Variants in PSAP observed in about 807,000 individuals in gnomAD.
PSAP encodes precursor of saposins.
A neutral mutation model predicts 66.0 loss-of-function variants in PSAP; 25 were observed. That is an observed-to-expected ratio of 0.38 (90% CI 0.28 to 0.53). The LOEUF (loss-of-function observed/expected upper bound fraction) is 0.53, where lower values mean the gene tolerates loss of function less well. PSAP is among the 20% of genes least tolerant of loss of function. PSAP has a pLI of 0.83. For synonymous variants in PSAP, 273 were observed against 258.9 expected, an observed-to-expected ratio of 1.05 and a Z score of -0.52; for missense variants, 649 against 668.8, an observed-to-expected ratio of 0.97 and a Z score of 0.33.
chr10:71,817,154 G>A lies in PSAP; in HGVS notation c.*287C>T. ...AGAAACTGTGGCTCATGCCAGCAGAGCTCTCTCCTCCTCCAGCAGGCGCCA... is the reference window on the plus strand; with the variant it reads ...AGAAACTGTGGCTCATGCCAGCAGAACTCTCTCCTCCTCCAGCAGGCGCCA... On this transcript the variant is annotated 3_prime_UTR_variant, in exon 14 of 14. Transcript: ENST00000394936. 1.9e-6 allele frequency: 1 copy of A among 520,070 alleles called. No individual in the cohort carries two copies. Among genetic ancestry groups the A allele is most frequent in the Non-Finnish European group, 3.5e-6 (1 of 287,224 alleles). The allele number at this position is 520,070 out of a possible 1,614,324, so 32.2% of individuals were successfully genotyped here. A position where few individuals can be genotyped will look rare whatever the true frequency, so the allele number is the denominator to read the frequency against.
chr10:71,819,273 T>C (rs1842241731), intron 11 of PSAP, 162 bp from the exon 12 acceptor site: 4 of 1,012,172 alleles, frequency 4.0e-6, no homozygotes, highest in Non-Finnish European at 6.0e-6. Context: ...CTATCTACAT[T>C]TGGCCTCTCT....
In PSAP at chr10:71,819,706, G is replaced by A. The variant is rs1307274292; in HGVS notation, c.1192+8C>T. The stretch of plus-strand genomic sequence containing the variant: ...ACCATCCTCTCCCGCACCACACCCA[G>A]CGCTCACCGGTCAGTGCAGGCAGCC... On this transcript the variant is annotated splice_region_variant and intron_variant, in intron 10 of 13. Transcript: ENST00000394936. 6.2e-7 allele frequency: 1 copy of A among 1,614,030 alleles called. No individual in the cohort carries two copies. Among genetic ancestry groups the A allele is most frequent in the South Asian group, 1.1e-5 (1 of 91,082 alleles).
Position 71,822,005 on chromosome 10 carries a change from T to A in PSAP, c.780A>T (p.Gln260His). 1 of 1,614,110 alleles carries A rather than the reference T, an allele frequency of 6.2e-7. No individual in the cohort carries two copies. Among genetic ancestry groups the A allele is most frequent in the Non-Finnish European group, 8.5e-7 (1 of 1,180,006 alleles). The change falls in exon 8 of 14, where the codon CAA becomes CAT. Residue 260 changes from glutamine (Q) to histidine (H), a missense_variant and splice_region_variant. Transcript: ENST00000394936. ...CAACCAGCGCACAGATCTCCTTGGG[T>A]TGCTGAAGAGAGCACAGAACAACCA... is the stretch of plus-strand genomic sequence containing the variant. ...EIAIQMMMHM[Q>H]PKEICALVGF...
chr10:71,843,332 C>G (rs888231375), intron 1 of PSAP, among the ~76,000 whole-genome samples: 5 of 152,138 alleles, frequency 3.3e-5, no homozygotes, highest in African/African-American at 1.2e-4. Flanking sequence ...GGCCAATCAC[C>G]AGGTGACAGG....
At chr10:71,835,080 C>CAA (rs1296012242) in intron 1 of PSAP, among the ~76,000 whole-genome samples, 2 of 149,410 alleles carry the variant, frequency 1.3e-5, no homozygotes, top group East Asian at 2.0e-4. Flanking sequence ...ACTAAAAATA[C>CAA]AAAAAAAAAC....
intron 7 of PSAP, 38 bp from the exon 8 acceptor site, chr10:71,822,045 T>A: frequency 6.2e-7 from 1 of 1,613,670 alleles, no homozygotes; most frequent in Non-Finnish European, 8.5e-7. Flanking sequence ...GCAGCAAGCC[T>A]ACGCCCACTG....
rs150710955 is a variant in PSAP at position 71,847,417 on chromosome 10, G to A, written c.40+3765C>T. Among the ~76,000 whole-genome samples, 939 of 152,246 alleles carry A rather than the reference G, an allele frequency of 6.2e-3. 8 individuals are homozygous for A. The highest frequency in any genetic ancestry group is 0.018 in the African/African-American group (750 of 41,550). On this transcript the variant is annotated intron_variant, in intron 1 of 13. Transcript: ENST00000394936. ...AGGTGGATTTTATAGGCATGGTGGTGGGCACCTATAATCCTAGCTACTCGG... is the reference window on the plus strand; with the variant it reads ...AGGTGGATTTTATAGGCATGGTGGTAGGCACCTATAATCCTAGCTACTCGG...
intron 3 of PSAP, among the ~76,000 whole-genome samples, chr10:71,831,572 G>A (rs1842518465): frequency 6.6e-6 from 1 of 152,256 alleles, no homozygotes; most frequent in South Asian, 2.1e-4. Context: ...TTAGTCCCGG[G>A]GTCAGCAAAG....
rs78061385 is a variant in PSAP at position 71,845,752 on chromosome 10, G to C, written c.40+5430C>G. Among the ~76,000 whole-genome samples, 165 of 152,282 alleles carry C rather than the reference G, an allele frequency of 1.1e-3. 1 individual carries two copies. The highest frequency in any genetic ancestry group is 3.8e-3 in the African/African-American group (157 of 41,544). On this transcript the variant is annotated intron_variant, in intron 1 of 13. Coordinates refer to ENST00000394936, the MANE Select transcript of PSAP (RefSeq NM_002778.4). Reference sequence around the variant, plus strand: ...TCCAGGATTAGTGACAACAGATCTAGACCCAAGCATTCGGGTTACCAGGAA... The same window carrying C: ...TCCAGGATTAGTGACAACAGATCTACACCCAAGCATTCGGGTTACCAGGAA...
chr10:71,827,932 T>C, intron 6 of PSAP, 82 bp downstream of exon 6: 1 of 1,569,244 alleles, frequency 6.4e-7, no homozygotes, highest in East Asian at 2.3e-5. Context: ...GAGAAGGATG[T>C]TGTCTGAACG....
Position 71,824,574 on chromosome 10 carries a change from C to T in PSAP, c.777+1263G>A, listed in dbSNP as rs1309846119. Among the ~76,000 whole-genome samples, 7 of 152,284 alleles carry T rather than the reference C, an allele frequency of 4.6e-5. No individual in the cohort carries two copies. In the South Asian group the frequency reaches 6.2e-4, roughly 14 times the overall value. On this transcript the variant is annotated intron_variant, in intron 7 of 13. Coordinates refer to ENST00000394936, the MANE Select transcript of PSAP (RefSeq NM_002778.4). ...AAACAACCTAGATACATCCGGCCAC[C>T]GGGGACCAATTATGTAAATTCTCTT...
Position 71,828,919 on chromosome 10 carries a change from G to A in PSAP, c.534C>T (p.Leu178=). 6.2e-7 allele frequency: 1 copy of A among 1,614,130 alleles called. No individual in the cohort carries two copies. Among genetic ancestry groups the A allele is most frequent in the Middle Eastern group, 1.7e-4 (1 of 6,058 alleles). The change falls in exon 5 of 14, where the codon CTC becomes CTT. Residue 178 remains leucine (L), a synonymous_variant. Transcript: ENST00000394936. ...TGCGGGGGCCGTCCTGAGGGTAGAG[G>A]AGGAGAGGGATGTTGGCCATGAAGG... ...VAPFMANIPL[L]LYPQDGPRSK... is the part of the protein sequence containing the mutation.
At chr10:71,839,142 A>C (rs1287766684) in intron 1 of PSAP, among the ~76,000 whole-genome samples, 1 of 150,646 alleles carries the variant, frequency 6.6e-6, no homozygotes, top group East Asian at 1.9e-4. Context: ...AAAGATTTCC[A>C]ATTAAATGTG....
intron 1 of PSAP, among the ~76,000 whole-genome samples, chr10:71,836,387 G>C (rs1244572686): frequency 6.6e-6 from 1 of 152,076 alleles, no homozygotes; most frequent in Non-Finnish European, 1.5e-5. Context: ...AGTCATGAGG[G>C]TAAGGGCTCT....
intron 6 of PSAP, among the ~76,000 whole-genome samples, chr10:71,827,498 G>A (rs1323083629): frequency 2.4e-4 from 36 of 151,932 alleles, no homozygotes; most frequent in Non-Finnish European, 4.4e-5. Context: ...AGGCTGAAGC[G>A]GGCAGATCAC....
intron 7 of PSAP, chr10:71,825,613 C>A: frequency 3.0e-6 from 2 of 664,894 alleles, no homozygotes; most frequent in Non-Finnish European, 5.5e-6. Flanking sequence ...AGGAAGCCAC[C>A]AGGGCAGTCC....
rs557098699 is a variant in PSAP, at chr10:71,829,969, G to A, written c.376-892C>T. 3.7e-4 allele frequency among the ~76,000 whole-genome samples: 56 copies of A among 152,162 alleles called. No individual in the cohort carries two copies. The Middle Eastern group carries it at 0.01, about 28-fold the overall frequency. On this transcript the variant is annotated intron_variant, in intron 4 of 13. Coordinates refer to ENST00000394936, the MANE Select transcript of PSAP (RefSeq NM_002778.4). ...TCAAGATCGCGCCATTGCACTCCAGGCTGGGCGACAGAGTGAGACTCAGTC... is the reference window on the plus strand; with the variant it reads ...TCAAGATCGCGCCATTGCACTCCAGACTGGGCGACAGAGTGAGACTCAGTC...
intron 1 of PSAP, among the ~76,000 whole-genome samples, chr10:71,846,246 T>A (rs1259525183): frequency 6.6e-6 from 1 of 152,092 alleles, no homozygotes; most frequent in Non-Finnish European, 1.5e-5. Context: ...CTGTCAGCAA[T>A]GAGATAATGT....
intron 1 of PSAP, among the ~76,000 whole-genome samples, chr10:71,850,671 T>C (rs1842909545): frequency 1.3e-5 from 2 of 152,216 alleles, no homozygotes; most frequent in Admixed American, 1.3e-4. Flanking sequence ...ACACCTAGAA[T>C]CCAGAGTAAA....
Sources: gnomAD v4.1 joint callset for allele counts (sites outside exome capture counted in the v4.1 genomes callset) on GRCh38, gnomAD v4.1.1 for gene constraint, MANE v1.5 for transcripts, NCBI Gene and HGNC (gene_info 2026-07-23, HGNC 2026-07-21) for gene names.